The following ANKRD30BL variants were observed in gnomAD, a reference collection of about 807,000 sequenced individuals.
The protein encoded by ANKRD30BL is putative ankyrin repeat domain-containing protein 30B-like.
In ANKRD30BL, 20 loss-of-function variants were observed where a neutral mutation model predicts 18.4. The observed-to-expected ratio is 1.09, with a 90% CI of 0.77 to 1.58. ANKRD30BL has a LOEUF of 1.58. Ranked by LOEUF, ANKRD30BL falls within the 40% of genes most tolerant of loss-of-function variation. ANKRD30BL has a pLI of 0.00. For synonymous variants in ANKRD30BL, 72 were observed against 100.9 expected (o/e 0.71, Z 1.72); for missense variants, 224 against 268.6 (o/e 0.83, Z 1.16).
At chr2:132,199,463 G>A (rs13427543) in intron 1 of ANKRD30BL, among the ~76,000 whole-genome samples, 12,754 of 152,042 alleles carry the variant, frequency 0.084, 1,776 homozygotes, top group African/African-American at 0.29. Context: ...AAACACAGAA[G>A]AGCAAGTGTA....
At chr2:132,165,250 G>A (rs1688166702), upstream of ANKRD30BL, among the ~76,000 whole-genome samples, 1 of 123,462 alleles carries the variant, frequency 8.1e-6, no homozygotes, top group South Asian at 2.7e-4. Context: ...CTTATATGAC[G>A]TATCAGTTTT....
intron 1 of ANKRD30BL, among the ~76,000 whole-genome samples, chr2:132,180,341 CA>C (rs1468885640): frequency 4.0e-5 from 6 of 151,708 alleles, no homozygotes; most frequent in Non-Finnish European, 7.4e-5. Context: ...AGCCTAGGAG[CA>C]ACAGGCTGCA....
At position 132,187,165 on chromosome 2, in the gene ANKRD30BL, GTTTTTTGTTTTT is replaced by G. The variant is rs1202081477; in HGVS notation, n.442-30031_442-30020del. Among the ~76,000 whole-genome samples, 78 of 122,310 alleles carry G rather than the reference GTTTTTTGTTTTT, an allele frequency of 6.4e-4. 1 individual carries two copies. The highest frequency in any genetic ancestry group is 8.8e-3 in the Middle Eastern group (2 of 228). The allele number at this position is 122,310 out of a possible 152,430, so 80.2% of individuals were successfully genotyped here. On this transcript the variant is annotated intron_variant and non_coding_transcript_variant, in intron 1 of 4. Coordinates refer to the ANKRD30BL transcript ENST00000470729. ...GTAATCTAATCATGCATCGTAGGAA[GTTTTTTGTTTTT>G]TTTTTTGTTTGTTTTTTTTTTTTTT...
At chr2:132,229,359 TTTGA>T (rs1173444628) in intron 1 of ANKRD30BL, among the ~76,000 whole-genome samples, 2 of 152,218 alleles carry the variant, frequency 1.3e-5, no homozygotes, top group East Asian at 3.9e-4. Flanking sequence ...TGAACATTTC[TTTGA>T]TTGAGCAGTT....
chr2:132,214,516 A>G (rs1679439286), intron 1 of ANKRD30BL, among the ~76,000 whole-genome samples: 1 of 151,842 alleles, frequency 6.6e-6, no homozygotes, highest in African/African-American at 2.4e-5. Flanking sequence ...CAAAAAAAAG[A>G]CAGAAGCATT....
intron 1 of ANKRD30BL, among the ~76,000 whole-genome samples, chr2:132,177,553 G>C (rs1336552327): frequency 6.6e-6 from 1 of 152,160 alleles, no homozygotes; most frequent in Non-Finnish European, 1.5e-5. Context: ...AGATAATTCA[G>C]AGCAAGCTTT....
chr2:132,221,771 A>G (rs1679693596), intron 1 of ANKRD30BL, among the ~76,000 whole-genome samples: 1 of 83,806 alleles, frequency 1.2e-5, no homozygotes. Flanking sequence ...CCTACTGGGA[A>G]GTGAGGAGCC....
At chr2:132,178,806 GAAAT>G (rs1310640138) in intron 1 of ANKRD30BL, among the ~76,000 whole-genome samples, 1 of 152,076 alleles carries the variant, frequency 6.6e-6, no homozygotes, top group African/African-American at 2.4e-5. Context: ...TTTTCTAAGA[GAAAT>G]AATGTGTTGG....
chr2:132,208,768 C>A (rs887029220), intron 1 of ANKRD30BL, among the ~76,000 whole-genome samples: 3 of 151,456 alleles, frequency 2.0e-5, no homozygotes, highest in African/African-American at 7.3e-5. Flanking sequence ...TGGCTGGATT[C>A]TGAGTGTTTG....
chr2:132,153,040 G>C (rs868522087), intron 4 of ANKRD30BL, among the ~76,000 whole-genome samples: 2 of 152,176 alleles, frequency 1.3e-5, no homozygotes, highest in Admixed American at 6.6e-5. Flanking sequence ...GTTAGTAAGG[G>C]CTTCCTGGTC....
chr2:132,257,975 A>T (rs1680920749), upstream of ANKRD30BL: 1 of 153,154 alleles, frequency 6.5e-6, no homozygotes, highest in Non-Finnish European at 1.5e-5. Flanking sequence ...CATCTGCCCC[A>T]GCCCACCGCA....
Position 132,147,926 on chromosome 2 carries a change from GCTGT to G in ANKRD30BL, c.*201_*204del. On this transcript the variant is annotated 3_prime_UTR_variant, in exon 6 of 6. Coordinates refer to ENST00000409867, the MANE Select transcript of ANKRD30BL (RefSeq NM_001358416.1). ...AGCAGGTGTTAGAGGCTAGAAGGGG[GCTGT>G]TTAATGAAACTAGGGGCAAGGAGGC... 1 of 537,766 alleles carries G rather than the reference GCTGT, an allele frequency of 1.9e-6. No homozygotes were observed. The highest frequency in any genetic ancestry group is 3.4e-6 in the Non-Finnish European group (1 of 297,384). The allele number at this position is 537,766 out of a possible 1,614,324, so 33.3% of individuals were successfully genotyped here.
intron 1 of ANKRD30BL, among the ~76,000 whole-genome samples, chr2:132,207,085 T>G (rs1448084820): frequency 6.6e-6 from 1 of 152,130 alleles, no homozygotes; most frequent in Non-Finnish European, 1.5e-5. Context: ...GCAAATAATT[T>G]GATTTCAAAT....
chr2:132,198,473 G>A (rs1274508036), intron 1 of ANKRD30BL, among the ~76,000 whole-genome samples: 22 of 151,048 alleles, frequency 1.5e-4, no homozygotes, highest in African/African-American at 5.4e-4. Flanking sequence ...ACAGGCATCC[G>A]CCACCATGCC....
At chr2:132,243,689 G>A (rs1680398256) in intron 1 of ANKRD30BL, among the ~76,000 whole-genome samples, 1 of 151,406 alleles carries the variant, frequency 6.6e-6, no homozygotes, top group South Asian at 2.1e-4. Context: ...ATGTGCAAGT[G>A]GATATTTTGA....
chr2:132,165,080 AAAAC>A (rs1282526700), upstream of ANKRD30BL, among the ~76,000 whole-genome samples: 2 of 147,360 alleles, frequency 1.4e-5, no homozygotes, highest in African/African-American at 2.5e-5. Context: ...CTCAAAACAA[AAAAC>A]AAACAAAAAA....
chr2:132,229,089 C>A (rs1405276692), intron 1 of ANKRD30BL, among the ~76,000 whole-genome samples: 1 of 151,918 alleles, frequency 6.6e-6, no homozygotes, highest in Non-Finnish European at 1.5e-5. Flanking sequence ...GCGTTCAGGC[C>A]TATGGTGAAA....
At chr2:132,178,534 T>C (rs1688402538) in intron 1 of ANKRD30BL, among the ~76,000 whole-genome samples, 1 of 152,156 alleles carries the variant, frequency 6.6e-6, no homozygotes, top group Non-Finnish European at 1.5e-5. Flanking sequence ...AAGAAAATTG[T>C]GGGGGCAAAG....
chr2:132,164,117 G>GTCTA (rs1384923805), upstream of ANKRD30BL, among the ~76,000 whole-genome samples: 1 of 151,970 alleles, frequency 6.6e-6, no homozygotes, highest in East Asian at 1.9e-4. Context: ...TTGCTTAACT[G>GTCTA]TCTAGTTCCA....
Sources: gnomAD v4.1 joint callset for allele counts (sites outside exome capture counted in the v4.1 genomes callset) on GRCh38, gnomAD v4.1.1 for gene constraint, MANE v1.5 for transcripts, NCBI Gene and HGNC (gene_info 2026-07-23, HGNC 2026-07-21) for gene names.